Variants in LOXL2 observed in about 807,000 individuals in gnomAD.
LOXL2 encodes lysyl oxidase like 2.
In LOXL2, 70 loss-of-function variants were observed where a neutral mutation model predicts 93.0. The observed-to-expected ratio is 0.75, with a 90% CI of 0.62 to 0.92. The LOEUF (loss-of-function observed/expected upper bound fraction) is 0.92, where lower values mean the gene tolerates loss of function less well. Among genes scored for constraint, LOXL2 ranks in the 40% least tolerant of loss-of-function variants. The pLI is 0.00. For synonymous variants in LOXL2, 438 were observed against 413.2 expected (o/e 1.06, Z -0.73); for missense variants, 973 against 1,054.9 (o/e 0.92, Z 1.08).
At chr8:23,340,815 G>T (rs1228284823) in intron 4 of LOXL2, among the ~76,000 whole-genome samples, 177 bp downstream of exon 4, 5 of 152,166 alleles carry the variant, frequency 3.3e-5, no homozygotes, top group African/African-American at 1.2e-4. Context: ...ATGCCACGGG[G>T]CACCCTTGAA....
chr8:23,347,947 A>T (rs1804020913), intron 3 of LOXL2, among the ~76,000 whole-genome samples: 1 of 152,226 alleles, frequency 6.6e-6, no homozygotes, highest in Non-Finnish European at 1.5e-5. Flanking sequence ...AAGACTTGGA[A>T]CCAACCCAAA....
rs1804431725 is a variant in LOXL2 at position 23,367,937 on chromosome 8, G to T, written c.355+60C>A. ...CCTCCTCTCCCAGGCTGACCTCAGG[G>T]AAGGCCACTCCGGGCCTTGCCAGGT... is the stretch of plus-strand genomic sequence containing the variant. On this transcript the variant is annotated intron_variant, in intron 2 of 13. Transcript: ENST00000389131. The T allele has an allele frequency of 2.2e-5, 31 of 1,422,734 alleles. 2 individuals carry two copies. In the South Asian group the frequency reaches 3.9e-4, roughly 18 times the overall value. 88.1% of individuals were successfully genotyped at this position (1,422,734 alleles called of 1,614,324 possible). A position where few individuals can be genotyped will look rare whatever the true frequency, so the allele number is the denominator to read the frequency against.
intron 1 of LOXL2, among the ~76,000 whole-genome samples, chr8:23,396,351 CA>C (rs71548893): frequency 7.0e-6 from 1 of 142,376 alleles, no homozygotes; most frequent in Admixed American, 6.9e-5. Context: ...AACAAACAAA[CA>C]AAAAAACGAG....
chr8:23,376,929 C>T (rs1804604557), intron 1 of LOXL2, among the ~76,000 whole-genome samples: 1 of 152,086 alleles, frequency 6.6e-6, no homozygotes, highest in African/African-American at 2.4e-5. Context: ...TTTTTTGTGT[C>T]TCTATCTCCT....
intron 2 of LOXL2, among the ~76,000 whole-genome samples, chr8:23,360,951 A>G (rs1804280330): frequency 6.6e-6 from 1 of 150,826 alleles, no homozygotes; most frequent in Non-Finnish European, 1.5e-5. Flanking sequence ...GCCAGGCTGG[A>G]GTGCAGTGGC....
rs3924172 is a variant in LOXL2 at position 23,321,103 on chromosome 8, T to G, written c.1302+1027A>C. Among the ~76,000 whole-genome samples, 1,250 of 152,132 alleles carry G rather than the reference T, an allele frequency of 8.2e-3. 77 individuals are homozygous for G. In the East Asian group the frequency reaches 0.15, roughly 19 times the overall value. On this transcript the variant is annotated intron_variant, in intron 7 of 13. Coordinates refer to ENST00000389131, the MANE Select transcript of LOXL2 (RefSeq NM_002318.3). Reference sequence around the variant, plus strand: ...TCTCTCTCCAATGCATCCACTTCCCTCCAGTCCTTCCCTACCCTCCCTCAT... The same window carrying G: ...TCTCTCTCCAATGCATCCACTTCCCGCCAGTCCTTCCCTACCCTCCCTCAT...
At chr8:23,299,241 C>T (rs1056246296) in intron 12 of LOXL2, among the ~76,000 whole-genome samples, 1 of 152,162 alleles carries the variant, frequency 6.6e-6, no homozygotes, top group African/African-American at 2.4e-5. Flanking sequence ...CCTGGGAGTT[C>T]TGGGGAAGGC....
chr8:23,303,487 A>C (rs1803175152), intron 10 of LOXL2, 90 bp from the exon 11 acceptor site: 1 of 763,610 alleles, frequency 1.3e-6, no homozygotes, highest in Admixed American at 1.9e-5. Context: ...GCCTCTGGGA[A>C]TACTTCCAGG....
intron 6 of LOXL2, among the ~76,000 whole-genome samples, chr8:23,323,634 G>A (rs1803532220): frequency 6.7e-6 from 1 of 148,972 alleles, no homozygotes; most frequent in Admixed American, 6.9e-5. Context: ...AAAAGCTTTA[G>A]CTCTACCTTC....
At chr8:23,402,981 G>A (rs73671448) in intron 1 of LOXL2, among the ~76,000 whole-genome samples, 4,174 of 151,854 alleles carry the variant, frequency 0.027, 211 homozygotes, top group African/African-American at 0.095. Context: ...GCTCCGCCCC[G>A]CACTCCGGCT....
At chr8:23,311,090 G>A (rs1187687212) in intron 9 of LOXL2, among the ~76,000 whole-genome samples, 5 of 152,182 alleles carry the variant, frequency 3.3e-5, no homozygotes, top group African/African-American at 1.2e-4. Context: ...TTTTAAGCAA[G>A]CAGAGTCTGT....
chr8:23,331,856 T>G (rs963550798), intron 5 of LOXL2: 2 of 151,666 alleles, frequency 1.3e-5, no homozygotes, highest in African/African-American at 4.8e-5. Context: ...GCCAACATGG[T>G]GAAACCCCAT....
At position 23,302,135 on chromosome 8, in the gene LOXL2, G is replaced by C; in HGVS notation, c.2025C>G (p.Asn675Lys). 6.2e-7 allele frequency: 1 copy of C among 1,614,144 alleles called. No homozygotes were observed. The highest frequency in any genetic ancestry group is 8.5e-7 in the Non-Finnish European group (1 of 1,180,008). Residue 675 changes from asparagine to lysine, a missense_variant, in exon 12 of 14, where the codon AAC becomes AAG. Transcript: ENST00000389131. ...CCATGGTGATGCCCTGATCGCCGAAGTTGGCACACTCGTAATTCTTCTGGA... is the reference window on the plus strand; with the variant it reads ...CCATGGTGATGCCCTGATCGCCGAACTTGGCACACTCGTAATTCTTCTGGA... ...GDIQKNYECA[N>K]FGDQGITMGC...
intron 1 of LOXL2, among the ~76,000 whole-genome samples, chr8:23,370,126 C>G (rs4872115): frequency 0.18 from 27,834 of 151,968 alleles, 3,293 homozygotes; most frequent in African/African-American, 0.34. Context: ...CCTACCTTCC[C>G]TGCTTCGGTT....
intron 3 of LOXL2, among the ~76,000 whole-genome samples, chr8:23,353,225 T>G (rs904427680): frequency 1.3e-5 from 2 of 152,100 alleles, no homozygotes; most frequent in African/African-American, 4.8e-5. Flanking sequence ...TTCCAACTGG[T>G]CTACCCGCCA....
intron 3 of LOXL2, among the ~76,000 whole-genome samples, chr8:23,347,620 A>C (rs1804016193): frequency 6.6e-6 from 1 of 152,210 alleles, no homozygotes; most frequent in Non-Finnish European, 1.5e-5. Flanking sequence ...ACTGCACTCC[A>C]GCCTGGGCGA....
rs1325221432 is a variant in LOXL2 at position 23,317,106 on chromosome 8, C to A, written c.1479G>T (p.Trp493Cys). 6.2e-7 allele frequency: 1 copy of A among 1,614,008 alleles called. No homozygotes were observed. The highest frequency in any genetic ancestry group is 1.3e-5 in the African/African-American group (1 of 74,924). The change falls in exon 9 of 14, where the codon TGG (tryptophan) becomes TGT (cysteine). Residue 493 changes from tryptophan to cysteine, a missense_variant. Coordinates refer to ENST00000389131, the MANE Select transcript of LOXL2 (RefSeq NM_002318.3). ...GFASNAFQETWYWHGDVNSNK... is the reference protein window; with the variant it reads ...GFASNAFQETCYWHGDVNSNK... ...TGCTGTTGACATCTCCGTGCCAATACCAGGTCTCCTGGAAGAACCAACAAA... is the reference window on the plus strand; with the variant it reads ...TGCTGTTGACATCTCCGTGCCAATAACAGGTCTCCTGGAAGAACCAACAAA...
Position 23,360,234 on chromosome 8 carries a change from A to G in LOXL2, c.387T>C (p.Thr129=). The G allele has an allele frequency of 1.2e-6, 2 of 1,612,504 alleles. No homozygotes were observed. The highest frequency in any genetic ancestry group is 1.7e-6 in the Non-Finnish European group (2 of 1,178,750). ...ATGCTGCAAGGGTCGCCTCGTTGCC[A>G]GTACAGTGGAGATTGTCTAACCAGA... ...GPIWLDNLHC[T]GNEATLAACT... Residue 129 remains threonine (T), a synonymous_variant, in exon 3 of 14, where the codon ACT becomes ACC. Transcript: ENST00000389131.
chr8:23,343,975 C>G (rs1044067801), intron 3 of LOXL2, among the ~76,000 whole-genome samples: 1 of 152,224 alleles, frequency 6.6e-6, no homozygotes, highest in African/African-American at 2.4e-5. Context: ...GCAGGCGGCC[C>G]GGGCTGACCT....
Sources: allele counts gnomAD v4.1 joint callset (sites outside exome capture counted in the v4.1 genomes callset), GRCh38; gene constraint gnomAD v4.1.1; transcripts MANE v1.5; gene names NCBI Gene and HGNC (gene_info 2026-07-23, HGNC 2026-07-21).